PRKN: variants seen among roughly 807,000 people sequenced by gnomAD.
The protein encoded by PRKN is parkin RBR E3 ubiquitin protein ligase.
PRKN carries 56 observed loss-of-function variants against 59.5 expected under a neutral mutation model. The observed-to-expected ratio is 0.94, with a 90% CI of 0.76 to 1.18. The LOEUF is 1.18. PRKN is among the 50% of genes most tolerant of loss of function. PRKN has a pLI of 0.00. For synonymous variants in PRKN, 250 were observed against 222.1 expected, an observed-to-expected ratio of 1.13 and a Z score of -1.12; for missense variants, 657 against 596.4, an observed-to-expected ratio of 1.10 and a Z score of -1.06.
rs1433629689 is a variant in PRKN, at chr6:161,376,029, G to C, written c.1167+10765C>G. ...TAAATTACACCCATCTCCCAATACT[G>C]GGACTGCATTTGTGTGTGAAGGCAG... On this transcript the variant is annotated intron_variant, in intron 10 of 11. Coordinates refer to ENST00000366898, the MANE Select transcript of PRKN (RefSeq NM_004562.3). This position sits in a 1 kb window ranked among gnomAD's most constrained non-coding sequence, Gnocchi z 7.3. 6.6e-6 allele frequency among the ~76,000 whole-genome samples: 1 copy of C among 152,156 alleles called. No individual in the cohort carries two copies. Among genetic ancestry groups the C allele is most frequent in the African/African-American group, 2.4e-5 (1 of 41,414 alleles).
intron 2 of PRKN, among the ~76,000 whole-genome samples, chr6:162,265,711 T>C (rs1380843852): frequency 6.6e-6 from 1 of 152,030 alleles, no homozygotes; most frequent in Non-Finnish European, 1.5e-5. Context: ...CCAGAAAGCT[T>C]CTACCTGTTC....
intron 1 of PRKN, among the ~76,000 whole-genome samples, chr6:162,446,442 T>C (rs1343374426): frequency 6.6e-6 from 1 of 152,154 alleles, no homozygotes. Flanking sequence ...TGAGAGTTTT[T>C]TTGTAAAGGG....
chr6:162,572,565 G>A (rs1204103521), intron 1 of PRKN, among the ~76,000 whole-genome samples: 9 of 152,140 alleles, frequency 5.9e-5, no homozygotes, highest in South Asian at 2.1e-4. Flanking sequence ...AGAGCAAAAC[G>A]TCTTCATGGG....
At position 162,453,288 on chromosome 6, in the gene PRKN, A is replaced by T. The variant is rs575285291; in HGVS notation, c.8-9815T>A. Among the ~76,000 whole-genome samples the T allele has an allele frequency of 3.3e-5, 5 of 152,326 alleles. No individual in the cohort carries two copies. The South Asian group carries it at 1.0e-3, about 32-fold the overall frequency. ...AGGAAACAGCTTTGGTTCTTTGACG[A>T]GGGTGTATCTCCAGTAGAATTCCCT... On this transcript the variant is annotated intron_variant, in intron 1 of 11. Coordinates refer to ENST00000366898, the MANE Select transcript of PRKN (RefSeq NM_004562.3).
At chr6:162,416,569 G>T (rs2128157394) in intron 2 of PRKN, among the ~76,000 whole-genome samples, 1 of 152,272 alleles carries the variant, frequency 6.6e-6, no homozygotes, top group East Asian at 1.9e-4. Flanking sequence ...CAGGCTGTAA[G>T]AATTTTTCTG....
chr6:161,777,800 GTA>G (rs1260481931), intron 7 of PRKN, among the ~76,000 whole-genome samples: 4,485 of 139,636 alleles, frequency 0.032, 300 homozygotes, highest in African/African-American at 0.11. Flanking sequence ...TATGATATAT[GTA>G]TATATGTATA....
chr6:162,540,084 T>G (rs949744464), intron 1 of PRKN, among the ~76,000 whole-genome samples: 2 of 151,878 alleles, frequency 1.3e-5, no homozygotes, highest in Non-Finnish European at 2.9e-5. Context: ...CCCAGCTAAT[T>G]TTTGTATTTT....
rs552059273 is a variant in PRKN at position 161,955,796 on chromosome 6, G to C, written c.734+17506C>G. On this transcript the variant is annotated intron_variant, in intron 6 of 11. Transcript: ENST00000366898. ...ACTGGAGAGGTGGAGGTTGCAGTGA[G>C]CCAAGATCACACCATTGCACTCCAG... 3.7e-4 allele frequency among the ~76,000 whole-genome samples: 56 copies of C among 152,302 alleles called. 1 individual carries two copies. The East Asian group carries it at 0.01, about 28-fold the overall frequency.
intron 4 of PRKN, among the ~76,000 whole-genome samples, chr6:162,130,319 C>G (rs1295857897): frequency 3.3e-5 from 5 of 152,270 alleles, no homozygotes; most frequent in African/African-American, 1.2e-4. Context: ...CAGAAGGTTT[C>G]TATTTTTAGA....
chr6:162,338,691 G>C (rs960119563), intron 2 of PRKN, among the ~76,000 whole-genome samples: 1 of 152,078 alleles, frequency 6.6e-6, no homozygotes, highest in African/African-American at 2.4e-5. Context: ...GGGAAGTGAG[G>C]AGTGTCTCTG....
chr6:161,670,901 T>G (rs1784885086), intron 7 of PRKN, among the ~76,000 whole-genome samples: 1 of 152,162 alleles, frequency 6.6e-6, no homozygotes, highest in Admixed American at 6.5e-5. Context: ...TTACCCTGAT[T>G]ACACCTGCAC....
At chr6:162,455,620 A>G (rs550428442) in intron 1 of PRKN, among the ~76,000 whole-genome samples, 20 of 152,290 alleles carry the variant, frequency 1.3e-4, no homozygotes, top group African/African-American at 4.8e-4. Flanking sequence ...CTTGACAGAT[A>G]TAAGATGGCT....
chr6:162,155,312 T>C (rs1330746281), intron 4 of PRKN, among the ~76,000 whole-genome samples: 3 of 152,184 alleles, frequency 2.0e-5, no homozygotes, highest in Non-Finnish European at 4.4e-5. Flanking sequence ...GCTAATCAAG[T>C]GAAAACTAAT....
intron 9 of PRKN, among the ~76,000 whole-genome samples, chr6:161,506,572 T>C (rs898591744): frequency 1.3e-5 from 2 of 152,194 alleles, no homozygotes; most frequent in Non-Finnish European, 2.9e-5. Flanking sequence ...CAACAAATGC[T>C]GATTGAATGA....
At chr6:162,041,960 G>A (rs1159845371) in intron 5 of PRKN, among the ~76,000 whole-genome samples, 3 of 152,054 alleles carry the variant, frequency 2.0e-5, no homozygotes, top group Non-Finnish European at 2.9e-5. Flanking sequence ...TCCCTAGGAG[G>A]AAACACAAGG....
chr6:161,758,010 T>C (rs1789027167), intron 7 of PRKN, among the ~76,000 whole-genome samples: 1 of 149,282 alleles, frequency 6.7e-6, no homozygotes, highest in African/African-American at 2.5e-5. Context: ...AAATGCAACA[T>C]AATTCCATAG....
chr6:162,300,171 G>C (rs965473354), intron 2 of PRKN, among the ~76,000 whole-genome samples: 2 of 151,922 alleles, frequency 1.3e-5, no homozygotes, highest in Admixed American at 1.3e-4. Flanking sequence ...ATAAAATATG[G>C]AATACAAACA....
At chr6:162,656,483 T>G (rs768845254) in intron 1 of PRKN, among the ~76,000 whole-genome samples, 3 of 152,182 alleles carry the variant, frequency 2.0e-5, no homozygotes, top group Non-Finnish European at 2.9e-5. Context: ...AAAAGGTGTA[T>G]GTCATACTTG....
intron 7 of PRKN, among the ~76,000 whole-genome samples, chr6:161,731,150 G>A (rs1204004594): frequency 4.6e-5 from 7 of 152,228 alleles, no homozygotes; most frequent in Non-Finnish European, 7.3e-5. Flanking sequence ...ATCCTGATAT[G>A]TTGCACTCTG....
Sources: gnomAD v4.1 joint callset for allele counts (sites outside exome capture counted in the v4.1 genomes callset) on GRCh38, gnomAD v4.1.1 for gene constraint, Gnocchi (gnomAD v3.1) non-coding constraint, MANE v1.5 for transcripts, NCBI Gene and HGNC (gene_info 2026-07-23, HGNC 2026-07-21) for gene names.